The following HEATR3 variants were observed in gnomAD, a reference collection of about 807,000 sequenced individuals.
HEATR3 encodes HEAT repeat-containing protein 3.
Under a neutral mutation model 72.8 loss-of-function variants are expected in HEATR3, and 56 were observed. That is an observed-to-expected ratio of 0.77 (90% CI 0.62 to 0.96). The LOEUF (loss-of-function observed/expected upper bound fraction) is 0.96, where lower values mean the gene tolerates loss of function less well. Among genes scored for constraint, HEATR3 ranks in the 40% least tolerant of loss-of-function variants. HEATR3 has a pLI of 0.00. For missense variants in HEATR3, 747 were observed against 831.4 expected, an observed-to-expected ratio of 0.90 and a Z score of 1.25; for synonymous variants, 331 against 318.1, an observed-to-expected ratio of 1.04 and a Z score of -0.43.
At chr16:50,102,457 A>G in intron 14 of HEATR3, 22 bp downstream of exon 14, 2 of 1,605,380 alleles carry the variant, frequency 1.2e-6, no homozygotes, top group Non-Finnish European at 1.7e-6. Flanking sequence ...TTTAACTTAT[A>G]AATACATAAG....
At chr16:50,068,907 A>G (rs781112152) in intron 3 of HEATR3, 40 bp downstream of exon 3, 4 of 1,469,006 alleles carry the variant, frequency 2.7e-6, no homozygotes, top group South Asian at 2.4e-5. Context: ...AGCTTTTGGG[A>G]TGCAAACTTA....
At chr16:50,071,222 C>T (rs944212196) in intron 4 of HEATR3, among the ~76,000 whole-genome samples, 1 of 152,220 alleles carries the variant, frequency 6.6e-6, no homozygotes, top group African/African-American at 2.4e-5. Flanking sequence ...GACTCTGTCA[C>T]AGTTTCTTAT....
At chr16:50,081,816 T>C (rs2036874047) in intron 7 of HEATR3, among the ~76,000 whole-genome samples, 1 of 152,200 alleles carries the variant, frequency 6.6e-6, no homozygotes, top group African/African-American at 2.4e-5. Flanking sequence ...AGTAGAGTAC[T>C]CTCTGCCCAG....
At chr16:50,099,126 T>G (rs2037311140) in intron 12 of HEATR3, among the ~76,000 whole-genome samples, 1 of 152,336 alleles carries the variant, frequency 6.6e-6, no homozygotes, top group South Asian at 2.1e-4. Context: ...GAGCATAATT[T>G]GACCCTCAGT....
At chr16:50,095,383 A>G (rs904780121) in intron 12 of HEATR3, among the ~76,000 whole-genome samples, 17 of 148,800 alleles carry the variant, frequency 1.1e-4, no homozygotes, top group Non-Finnish European at 1.8e-4. Context: ...CTGGGATGAC[A>G]GGCGTGAACC....
chr16:50,081,605 C>T (rs879379673), intron 7 of HEATR3, among the ~76,000 whole-genome samples: 2 of 152,196 alleles, frequency 1.3e-5, no homozygotes, highest in Non-Finnish European at 2.9e-5. Context: ...GCTAGTCGGT[C>T]AGCCAGCCAG....
intron 10 of HEATR3, among the ~76,000 whole-genome samples, chr16:50,085,285 T>A (rs543546834): frequency 2.1e-4 from 32 of 152,286 alleles, no homozygotes; most frequent in African/African-American, 7.7e-4. Flanking sequence ...TTAAACTCTC[T>A]ATGTATGTTG....
chr16:50,095,563 GATA>G (rs1426424242), intron 12 of HEATR3, among the ~76,000 whole-genome samples: 3 of 151,972 alleles, frequency 2.0e-5, no homozygotes, highest in African/African-American at 7.3e-5. Flanking sequence ...TAAAAGCAGA[GATA>G]ATAATGTTGC....
chr16:50,067,640 C>G (rs1041920364), intron 2 of HEATR3, among the ~76,000 whole-genome samples: 2 of 152,084 alleles, frequency 1.3e-5, no homozygotes, highest in Non-Finnish European at 2.9e-5. Flanking sequence ...AAGTGACATG[C>G]TGCAACACAT....
intron 6 of HEATR3, among the ~76,000 whole-genome samples, chr16:50,076,333 G>A (rs773555638): frequency 2.0e-5 from 3 of 151,796 alleles, no homozygotes; most frequent in Non-Finnish European, 4.4e-5. Flanking sequence ...AATTACAAGC[G>A]TGCGCCACCA....
At chr16:50,086,044 T>C (rs1026091681) in intron 10 of HEATR3, among the ~76,000 whole-genome samples, 171 bp from the exon 11 acceptor site, 1 of 152,056 alleles carries the variant, frequency 6.6e-6, no homozygotes, top group Non-Finnish European at 1.5e-5. Context: ...GATGATAAAT[T>C]TTAGAAAACA....
intron 12 of HEATR3, among the ~76,000 whole-genome samples, chr16:50,099,212 C>T (rs1351409912): frequency 6.6e-6 from 1 of 152,100 alleles, no homozygotes; most frequent in African/African-American, 2.4e-5. Flanking sequence ...ACCTTATACT[C>T]TAGGGCCTAT....
At chr16:50,077,483 T>G (rs2036762228) in intron 6 of HEATR3, among the ~76,000 whole-genome samples, 1 of 152,204 alleles carries the variant, frequency 6.6e-6, no homozygotes, top group Non-Finnish European at 1.5e-5. Flanking sequence ...TATACTTTAG[T>G]GGTGTAAAGT....
intron 11 of HEATR3, 37 bp downstream of exon 11, chr16:50,086,388 A>G (rs1353053807): frequency 1.3e-6 from 2 of 1,578,468 alleles, no homozygotes; most frequent in Admixed American, 3.8e-5. Context: ...ACGCAGACGG[A>G]ACAGAATTTT....
At chr16:50,081,187 C>T (rs2036858657) in intron 7 of HEATR3, among the ~76,000 whole-genome samples, 1 of 152,192 alleles carries the variant, frequency 6.6e-6, no homozygotes, top group African/African-American at 2.4e-5. Flanking sequence ...CGCCTATAAT[C>T]CTAGCACTTT....
chr16:50,095,603 G>C (rs904685288), intron 12 of HEATR3, among the ~76,000 whole-genome samples: 3 of 151,866 alleles, frequency 2.0e-5, no homozygotes, highest in African/African-American at 4.8e-5. Context: ...GGGTCTTACT[G>C]TGTTGCCCAG....
At chr16:50,092,564 G>T (rs184757636) in intron 11 of HEATR3, among the ~76,000 whole-genome samples, 5,706 of 149,348 alleles carry the variant, frequency 0.038, 368 homozygotes, top group African/African-American at 0.13. Flanking sequence ...AGCCTCCTTA[G>T]TAGCTGGGAC....
At chr16:50,091,985 C>T (rs978772252) in intron 11 of HEATR3, among the ~76,000 whole-genome samples, 7 of 151,928 alleles carry the variant, frequency 4.6e-5, no homozygotes, top group African/African-American at 7.3e-5. Flanking sequence ...AGGGCTATAC[C>T]TAGAGCTTTA....
Position 50,100,392 on chromosome 16 carries a change from G to T in HEATR3, c.1743+19G>T. The T allele has an allele frequency of 6.2e-7, 1 of 1,610,216 alleles. No homozygotes were observed. Among genetic ancestry groups the T allele is most frequent in the South Asian group, 1.1e-5 (1 of 90,658 alleles). On this transcript the variant is annotated intron_variant, in intron 13 of 14. Coordinates refer to ENST00000299192, the MANE Select transcript of HEATR3 (RefSeq NM_182922.4). The stretch of plus-strand genomic sequence containing the variant: ...TCTTAAGGTAAAACAATTTGCTTCT[G>T]ACCTAACATGTTAAATAATTAGAAA...
Sources: gnomAD v4.1 joint callset for allele counts (sites outside exome capture counted in the v4.1 genomes callset) on GRCh38, gnomAD v4.1.1 for gene constraint, MANE v1.5 for transcripts, NCBI Gene and HGNC (gene_info 2026-07-23, HGNC 2026-07-21) for gene names.